Variants in KCNH8 observed in about 807,000 individuals in gnomAD.
KCNH8 encodes the protein potassium voltage-gated channel subfamily H member 8.
Under a neutral mutation model 103.6 loss-of-function variants are expected in KCNH8, and 70 were observed. The ratio of observed to expected loss-of-function variants is 0.68; its 90% CI spans 0.56 to 0.82. The LOEUF (loss-of-function observed/expected upper bound fraction) is 0.82. Ranked by LOEUF, KCNH8 falls within the 40% of genes least tolerant of loss-of-function variation. KCNH8 has a pLI of 0.00. For missense variants in KCNH8, 1,217 were observed against 1,329.9 expected, an observed-to-expected ratio of 0.92 and a Z score of 1.32; for synonymous variants, 498 against 489.4, an observed-to-expected ratio of 1.02 and a Z score of -0.23.
At chr3:19,467,460 C>G (rs2067765294) in intron 11 of KCNH8, among the ~76,000 whole-genome samples, 1 of 152,168 alleles carries the variant, frequency 6.6e-6, no homozygotes, top group Non-Finnish European at 1.5e-5. Context: ...AAATCTTTGA[C>G]AGTCATGCAA....
chr3:19,287,586 T>G (rs1183950929), intron 3 of KCNH8, among the ~76,000 whole-genome samples: 2 of 151,508 alleles, frequency 1.3e-5, no homozygotes, highest in Non-Finnish European at 2.9e-5. Context: ...TTGTTGTTGT[T>G]GTTGTTGTTG....
rs1455616794 is a variant in KCNH8 at position 19,370,979 on chromosome 3, T to A, written c.812-19502T>A. 1.1e-4 allele frequency among the ~76,000 whole-genome samples: 16 copies of A among 152,270 alleles called. 1 individual carries two copies. The East Asian group carries it at 2.9e-3, about 28-fold the overall frequency. ...GCTGCATAGTATTCCATGGTGTATA[T>A]GTGCCACATTTTCTTAATCCAGTCT... is the stretch of plus-strand genomic sequence containing the variant. On this transcript the variant is annotated intron_variant, in intron 5 of 15. Transcript: ENST00000328405.
chr3:19,382,066 G>A (rs977026969), intron 5 of KCNH8, among the ~76,000 whole-genome samples: 3 of 151,982 alleles, frequency 2.0e-5, no homozygotes, highest in Non-Finnish European at 4.4e-5. Flanking sequence ...ATCCCCTTAA[G>A]ATCAATGCAT....
At position 19,206,841 on chromosome 3, in the gene KCNH8, T is replaced by G. The variant is rs531206811; in HGVS notation, c.77-46813T>G. On this transcript the variant is annotated intron_variant, in intron 1 of 15. Coordinates refer to ENST00000328405, the MANE Select transcript of KCNH8 (RefSeq NM_144633.3). ...ATCAGAACCAAATGCAGAAAGAATT[T>G]AGAGAGAAAAGCCTGCCAGATATGG... 5.3e-5 allele frequency among the ~76,000 whole-genome samples: 8 copies of G among 151,974 alleles called. No individual in the cohort carries two copies. The East Asian group carries it at 1.6e-3, about 30-fold the overall frequency.
At chr3:19,238,600 G>A (rs2064094630) in intron 1 of KCNH8, among the ~76,000 whole-genome samples, 1 of 152,138 alleles carries the variant, frequency 6.6e-6, no homozygotes, top group Admixed American at 6.5e-5. Context: ...GAATAACAAT[G>A]CCAGAAGACC....
chr3:19,327,375 C>T (rs1575529863), intron 3 of KCNH8, among the ~76,000 whole-genome samples: 3 of 152,162 alleles, frequency 2.0e-5, no homozygotes, highest in Non-Finnish European at 4.4e-5. Context: ...CTGCAGCCTT[C>T]GTCTCCTAGG....
chr3:19,499,823 C>T (rs530615472), intron 11 of KCNH8, among the ~76,000 whole-genome samples: 451 of 152,192 alleles, frequency 3.0e-3, no homozygotes, highest in Non-Finnish European at 4.2e-3. Context: ...CGGTACCAGC[C>T]GCTGCAAAAT....
At chr3:19,216,601 C>G (rs768175519) in intron 1 of KCNH8, among the ~76,000 whole-genome samples, 4 of 152,178 alleles carry the variant, frequency 2.6e-5, no homozygotes, top group Admixed American at 6.5e-5. Context: ...ATTCCTCATA[C>G]TACTAAAATG....
chr3:19,166,433 A>G (rs2063284163), intron 1 of KCNH8, among the ~76,000 whole-genome samples: 1 of 152,236 alleles, frequency 6.6e-6, no homozygotes, highest in Non-Finnish European at 1.5e-5. Flanking sequence ...CAGTCAGCCT[A>G]CTTTTACAAG....
At chr3:19,302,597 G>T (rs1261063163) in intron 3 of KCNH8, among the ~76,000 whole-genome samples, 1 of 152,116 alleles carries the variant, frequency 6.6e-6, no homozygotes, top group African/African-American at 2.4e-5. Flanking sequence ...CTCAGAAAAA[G>T]CACTTAGGAA....
At chr3:19,398,921 T>G (rs551444044) in intron 7 of KCNH8, among the ~76,000 whole-genome samples, 1 of 152,134 alleles carries the variant, frequency 6.6e-6, no homozygotes, top group African/African-American at 2.4e-5. Context: ...CCTTTGCGGT[T>G]TAGTTTGGTG....
At chr3:19,176,725 C>A (rs1405137307) in intron 1 of KCNH8, among the ~76,000 whole-genome samples, 1 of 151,986 alleles carries the variant, frequency 6.6e-6, no homozygotes, top group East Asian at 1.9e-4. Context: ...TCAGAATATT[C>A]TATTCCATTT....
Position 19,478,872 on chromosome 3 carries a change from C to A in KCNH8, c.2040+21890C>A, listed in dbSNP as rs544365258. Among the ~76,000 whole-genome samples the A allele has an allele frequency of 3.3e-5, 5 of 152,154 alleles. No homozygotes were observed. In the South Asian group the frequency reaches 1.0e-3, roughly 32 times the overall value. ...ACCTATTGGATAATACCAGAAAAAT[C>A]CTGAGACCACAAAACAGAAGCAGCC... On this transcript the variant is annotated intron_variant, in intron 11 of 15. Transcript: ENST00000328405.
intron 1 of KCNH8, among the ~76,000 whole-genome samples, chr3:19,222,506 A>G (rs1043172210): frequency 1.3e-5 from 2 of 152,322 alleles, no homozygotes; most frequent in Middle Eastern, 3.4e-3. Flanking sequence ...AAGCATGTGC[A>G]TTTGTATACA....
intron 1 of KCNH8, among the ~76,000 whole-genome samples, chr3:19,232,757 G>T (rs1206998529): frequency 1.3e-5 from 2 of 152,184 alleles, no homozygotes; most frequent in Non-Finnish European, 2.9e-5. Context: ...GAGAGGTATG[G>T]TATGAAAGAT....
intron 3 of KCNH8, among the ~76,000 whole-genome samples, chr3:19,335,483 GTA>G (rs3067331): frequency 0.34 from 47,199 of 140,874 alleles, 8,156 homozygotes; most frequent in East Asian, 0.46. Context: ...ATATGTGTGT[GTA>G]TATATATATA....
chr3:19,364,871 A>AAGATGAAACGCT (rs999782106), intron 5 of KCNH8, among the ~76,000 whole-genome samples: 1 of 152,150 alleles, frequency 6.6e-6, no homozygotes, highest in Non-Finnish European at 1.5e-5. Flanking sequence ...TCACTATGGG[A>AAGATGAAACGCT]AGATGAAACG....
At chr3:19,286,663 A>G (rs761713364) in intron 3 of KCNH8, among the ~76,000 whole-genome samples, 2 of 152,194 alleles carry the variant, frequency 1.3e-5, no homozygotes, top group Non-Finnish European at 2.9e-5. Context: ...ATCCTCCCAT[A>G]TACTTTAAAA....
intron 3 of KCNH8, among the ~76,000 whole-genome samples, chr3:19,297,982 C>G (rs552641176): frequency 4.3e-4 from 65 of 152,248 alleles, no homozygotes; most frequent in African/African-American, 1.5e-3. Flanking sequence ...GTGTCTTTTG[C>G]TGGTGTTTTT....
Sources: allele counts gnomAD v4.1 joint callset (sites outside exome capture counted in the v4.1 genomes callset), GRCh38; gene constraint gnomAD v4.1.1; transcripts MANE v1.5; gene names NCBI Gene and HGNC (gene_info 2026-07-23, HGNC 2026-07-21).